Variants in DENND6A observed in about 807,000 individuals in gnomAD.
The protein encoded by DENND6A is protein DENND6A.
In DENND6A, 43 loss-of-function variants were observed where a neutral mutation model predicts 95.5. The ratio of observed to expected loss-of-function variants is 0.45; its 90% CI spans 0.35 to 0.58. The LOEUF (loss-of-function observed/expected upper bound fraction) is 0.58, where lower values mean the gene tolerates loss of function less well. Among genes scored for constraint, DENND6A ranks in the 20% least tolerant of loss-of-function variants. The probability of loss-of-function intolerance (pLI) is 0.00; values close to 1 mark genes in which losing one functional copy is unlikely to be tolerated. For synonymous variants in DENND6A, 257 were observed against 260.4 expected, an observed-to-expected ratio of 0.99 and a Z score of 0.13; for missense variants, 574 against 736.0, an observed-to-expected ratio of 0.78 and a Z score of 2.55.
intron 1 of DENND6A, among the ~76,000 whole-genome samples, chr3:57,675,344 C>G (rs1389415196): frequency 2.0e-5 from 3 of 152,170 alleles, no homozygotes; most frequent in African/African-American, 7.2e-5. Context: ...ACTGAGTCTT[C>G]TTTGGTAGCC....
At chr3:57,630,849 T>C (rs1414142182) in intron 16 of DENND6A, 25 bp from the exon 17 acceptor site, 1 of 1,610,268 alleles carries the variant, frequency 6.2e-7, no homozygotes, top group Non-Finnish European at 8.5e-7. Flanking sequence ...ATATAATATT[T>C]AGAAATTAGG....
At chr3:57,654,872 T>C (rs2071293123) in intron 9 of DENND6A, 9 of 800,012 alleles carry the variant, frequency 1.1e-5, no homozygotes, top group Non-Finnish European at 1.1e-5. Context: ...ATGTAAACTT[T>C]CATTCACACT....
In DENND6A at chr3:57,692,989, C is replaced by T; in HGVS notation, c.30G>A (p.Gly10=). The T allele has an allele frequency of 6.6e-7, 1 of 1,515,640 alleles. No individual in the cohort carries two copies. The highest frequency in any genetic ancestry group is 8.8e-7 in the Non-Finnish European group (1 of 1,141,804). The allele number at this position is 1,515,640 out of a possible 1,614,324, so 93.9% of individuals were successfully genotyped here. A position where few individuals can be genotyped will look rare whatever the true frequency, so the allele number is the denominator to read the frequency against. Residue 10 remains glycine, a synonymous_variant, in exon 1 of 20, where the codon GGG becomes GGA. Coordinates refer to ENST00000311128, the MANE Select transcript of DENND6A (RefSeq NM_152678.3). ...CGTCCAACGGCCTTCGAGAGCCGGG[C>T]CCCAAGCCCGCAGGGCCCCTCAAAG... MALRGPAGL[G]PGSRRPLDEA... is the part of the protein sequence containing the mutation.
chr3:57,640,600 T>C (rs1475385228), intron 12 of DENND6A, among the ~76,000 whole-genome samples: 1 of 152,134 alleles, frequency 6.6e-6, no homozygotes, highest in East Asian at 1.9e-4. Context: ...ATGTAGTACA[T>C]TATAAAGTTA....
intron 12 of DENND6A, among the ~76,000 whole-genome samples, chr3:57,637,545 T>C (rs1172692916): frequency 1.3e-5 from 2 of 152,078 alleles, no homozygotes; most frequent in African/African-American, 2.4e-5. Context: ...TTTTTTTTCC[T>C]TGTAGAACTC....
At position 57,692,972 on chromosome 3, in the gene DENND6A, G is replaced by T. The variant is rs1486926649; in HGVS notation, c.47C>A (p.Pro16Gln). Residue 16 changes from proline (P) to glutamine (Q), a missense_variant, in exon 1 of 20, where the codon CCG (proline) becomes CAG (glutamine). Transcript: ENST00000311128. ...GGCCCCTGCCACCGCTTCGTCCAAC[G>T]GCCTTCGAGAGCCGGGCCCCAAGCC... ...PAGLGPGSRR[P>Q]LDEAVAGAEG... 29 of 1,530,442 alleles carry T rather than the reference G, an allele frequency of 1.9e-5. No homozygotes were observed. Among genetic ancestry groups the T allele is most frequent in the East Asian group, 2.6e-5 (1 of 37,846 alleles). 94.8% of individuals were successfully genotyped at this position (1,530,442 alleles called of 1,614,324 possible). A position where few individuals can be genotyped will look rare whatever the true frequency, so the allele number is the denominator to read the frequency against.
chr3:57,677,803 A>T (rs1003137461), intron 1 of DENND6A, among the ~76,000 whole-genome samples: 1 of 152,152 alleles, frequency 6.6e-6, no homozygotes, highest in Non-Finnish European at 1.5e-5. Flanking sequence ...ACTGTATCTT[A>T]ATTCATTAGA....
At chr3:57,636,143 G>A (rs751706246) in intron 12 of DENND6A, among the ~76,000 whole-genome samples, 2 of 152,316 alleles carry the variant, frequency 1.3e-5, no homozygotes, top group Middle Eastern at 6.8e-3. Flanking sequence ...TTATGGAGGA[G>A]TTAAAGGTAT....
chr3:57,651,466 T>C (rs923657110), intron 9 of DENND6A, among the ~76,000 whole-genome samples: 2 of 152,008 alleles, frequency 1.3e-5, no homozygotes, highest in Admixed American at 6.6e-5. Context: ...AACAGGCAAG[T>C]CCATAGAGAC....
chr3:57,681,597 C>A, intron 1 of DENND6A, among the ~76,000 whole-genome samples: 1 of 141,804 alleles, frequency 7.1e-6, no homozygotes, highest in Admixed American at 7.5e-5. Context: ...GTGCTCCAGC[C>A]TAGGCAACAG....
In DENND6A at chr3:57,682,771, G is replaced by A. The variant is rs566204236; in HGVS notation, c.237+10011C>T. Among the ~76,000 whole-genome samples the A allele has an allele frequency of 4.7e-4, 71 of 152,276 alleles. 1 individual carries two copies. The highest frequency in any genetic ancestry group is 3.4e-3 in the Middle Eastern group (1 of 294). ...GCTCACTGCAACCTCCAACTCCCAA[G>A]TTCAAGCGATTCTGCTGCCTCAGCC... On this transcript the variant is annotated intron_variant, in intron 1 of 19. Coordinates refer to ENST00000311128, the MANE Select transcript of DENND6A (RefSeq NM_152678.3).
At position 57,659,143 on chromosome 3, in the gene DENND6A, G is replaced by T; in HGVS notation, c.737C>A (p.Thr246Asn). 1 of 1,614,026 alleles carries T rather than the reference G, an allele frequency of 6.2e-7. No homozygotes were observed. Among genetic ancestry groups the T allele is most frequent in the Non-Finnish European group, 8.5e-7 (1 of 1,179,998 alleles). Residue 246 changes from threonine (T) to asparagine (N), a missense_variant, in exon 8 of 20, where the codon ACT (threonine) becomes AAT (asparagine). This residue lies in a region of DENND6A where 452 missense variants were observed against 630.9 expected (regional missense o/e 0.72). Transcript: ENST00000311128. ...IPTCHDKPGT[T>N]QIVQLTQQVD... ...CTGCTGAGTTAACTGCACTATTTGA[G>T]TTGTCCCAGGCTTGTCATGACATGT...
At chr3:57,643,306 G>T (rs1328785958) in intron 11 of DENND6A, among the ~76,000 whole-genome samples, 1 of 152,032 alleles carries the variant, frequency 6.6e-6, no homozygotes, top group African/African-American at 2.4e-5. Flanking sequence ...TATGAGATTA[G>T]GGGAGAAAAG....
chr3:57,684,154 A>G (rs1282243554), intron 1 of DENND6A, among the ~76,000 whole-genome samples: 1 of 141,114 alleles, frequency 7.1e-6, no homozygotes, highest in Non-Finnish European at 1.6e-5. Flanking sequence ...TCCGTCTCAA[A>G]AAAAAAAAAA....
chr3:57,691,560 G>C (rs2077264862), intron 1 of DENND6A, among the ~76,000 whole-genome samples: 1 of 151,438 alleles, frequency 6.6e-6, no homozygotes, highest in South Asian at 2.1e-4. Flanking sequence ...CCAGAAGGCA[G>C]GCCGAATACG....
chr3:57,688,054 G>A (rs986448879), intron 1 of DENND6A, among the ~76,000 whole-genome samples: 9 of 151,634 alleles, frequency 5.9e-5, no homozygotes, highest in Non-Finnish European at 1.0e-4. Context: ...GGACTACAGT[G>A]GTATGATCTC....
chr3:57,668,586 A>C (rs1404873532), intron 3 of DENND6A, among the ~76,000 whole-genome samples: 3 of 152,240 alleles, frequency 2.0e-5, no homozygotes, highest in Non-Finnish European at 4.4e-5. Flanking sequence ...ATTCAAATGA[A>C]ACAAAAAACT....
intron 14 of DENND6A, 33 bp from the exon 15 acceptor site, chr3:57,633,387 T>G: frequency 1.3e-6 from 2 of 1,535,834 alleles, no homozygotes; most frequent in Non-Finnish European, 1.8e-6. Context: ...ATCTGTATTC[T>G]AGTGTTGGAA....
chr3:57,688,242 C>A (rs561568605), intron 1 of DENND6A, among the ~76,000 whole-genome samples: 16 of 151,948 alleles, frequency 1.1e-4, no homozygotes, highest in Admixed American at 1.0e-3. Flanking sequence ...GTGATCCACG[C>A]GCCTCAGCCT....
Sources: gnomAD v4.1 joint callset for allele counts (sites outside exome capture counted in the v4.1 genomes callset) on GRCh38, gnomAD v4.1.1 for gene constraint, gnomAD v4.1.1 regional missense constraint, MANE v1.5 for transcripts, NCBI Gene and HGNC (gene_info 2026-07-23, HGNC 2026-07-21) for gene names.